SHANK2: variants seen among roughly 807,000 people sequenced by gnomAD.
SHANK2 encodes the protein SH3 and multiple ankyrin repeat domains 2, also known as SH3 and multiple ankyrin repeat domains protein 2.
SHANK2 carries 43 observed loss-of-function variants against 133.7 expected under a neutral mutation model. The observed-to-expected ratio is 0.32, with a 90% CI of 0.25 to 0.41. The LOEUF (loss-of-function observed/expected upper bound fraction) is 0.41. Among genes scored for constraint, SHANK2 ranks in the 10% least tolerant of loss-of-function variants. SHANK2 has a pLI of 1.00. For missense variants in SHANK2, 1,994 were observed against 2,235.8 expected, an observed-to-expected ratio of 0.89 and a Z score of 2.18; for synonymous variants, 1,017 against 952.8, an observed-to-expected ratio of 1.07 and a Z score of -1.24.
chr11:71,111,644 A>T (rs1951893537), intron 5 of SHANK2, among the ~76,000 whole-genome samples: 1 of 152,194 alleles, frequency 6.6e-6, no homozygotes, highest in South Asian at 2.1e-4. Context: ...CTGACACAGC[A>T]GGTTCCTGGG....
chr11:70,839,008 G>C (rs1335771472), intron 11 of SHANK2, among the ~76,000 whole-genome samples: 7 of 152,214 alleles, frequency 4.6e-5, no homozygotes, highest in Non-Finnish European at 7.3e-5. Context: ...CAAGCAGCTG[G>C]TGTTGGTGTT....
At chr11:71,210,888 G>A (rs560033947) in intron 2 of SHANK2, among the ~76,000 whole-genome samples, 4 of 152,304 alleles carry the variant, frequency 2.6e-5, no homozygotes, top group Admixed American at 1.3e-4. Flanking sequence ...GTGATGCAGC[G>A]CCGGCACTCC....
At chr11:70,781,558 T>TATATATATATA (rs1555045157) in intron 14 of SHANK2, among the ~76,000 whole-genome samples, 1 of 28,970 alleles carries the variant, frequency 3.5e-5, no homozygotes, top group African/African-American at 1.0e-4. Context: ...TACTTACTTA[T>TATATATATATA]TATATATATA....
intron 15 of SHANK2, among the ~76,000 whole-genome samples, chr11:70,692,515 C>T (rs782316576): frequency 2.6e-5 from 4 of 152,184 alleles, no homozygotes; most frequent in Admixed American, 6.5e-5. Flanking sequence ...TAACTTAGGA[C>T]CGGTGATTTC....
chr11:70,570,882 A>T (rs1554982922), intron 17 of SHANK2, among the ~76,000 whole-genome samples: 1 of 152,182 alleles, frequency 6.6e-6, no homozygotes, highest in African/African-American at 2.4e-5. Flanking sequence ...CCCAACTGGA[A>T]ATATGGGTGG....
In SHANK2 at chr11:70,471,064, C is replaced by CAA; in HGVS notation, c.*1803_*1804dup. On this transcript the variant is annotated 3_prime_UTR_variant, in exon 26 of 26. Transcript: ENST00000601538. The surrounding 1 kb of genome is among the most constrained non-coding windows in gnomAD (Gnocchi z 4.1). Reference sequence around the variant, plus strand: ...CCACAGAAATAGTATTATTAAATCACAAAAGTTTTTTTTTCTTTAACTTTC... The same window carrying CAA: ...CCACAGAAATAGTATTATTAAATCACAAAAAAGTTTTTTTTTCTTTAACTTTC... 2.6e-6 allele frequency: 1 copy of CAA among 385,010 alleles called. No homozygotes were observed. 23.8% of individuals were successfully genotyped at this position (385,010 alleles called of 1,614,324 possible). A position where few individuals can be genotyped will look rare whatever the true frequency, so the allele number is the denominator to read the frequency against.
At chr11:71,168,373 C>G (rs1302219738) in intron 2 of SHANK2, among the ~76,000 whole-genome samples, 1 of 143,810 alleles carries the variant, frequency 7.0e-6, no homozygotes, top group Non-Finnish European at 1.5e-5. Flanking sequence ...TCCTCACATC[C>G]CAGACGATGG....
intron 11 of SHANK2, among the ~76,000 whole-genome samples, chr11:70,841,300 A>G (rs1948900368): frequency 6.6e-6 from 1 of 152,136 alleles, no homozygotes; most frequent in African/African-American, 2.4e-5. Context: ...ACCGCAGTGA[A>G]AGGTGGGCAG....
chr11:71,192,186 C>T (rs1272678084), intron 2 of SHANK2, among the ~76,000 whole-genome samples: 1 of 152,184 alleles, frequency 6.6e-6, no homozygotes, highest in African/African-American at 2.4e-5. Flanking sequence ...TATCAGGACA[C>T]CAGTCCTTTG....
At chr11:71,058,758 C>T (rs936182522) in intron 9 of SHANK2, among the ~76,000 whole-genome samples, 6 of 152,324 alleles carry the variant, frequency 3.9e-5, no homozygotes, top group African/African-American at 9.6e-5. Context: ...AAATATACAC[C>T]GAATAAAGGG....
rs538489709 is a variant in SHANK2 at position 71,249,202 on chromosome 11, T to G, written c.-113+3223A>C. Among the ~76,000 whole-genome samples the G allele has an allele frequency of 3.9e-5, 6 of 152,174 alleles. No individual in the cohort carries two copies. The South Asian group carries it at 1.2e-3, about 32-fold the overall frequency. On this transcript the variant is annotated intron_variant, in intron 1 of 25. Coordinates refer to ENST00000601538, the MANE Select transcript of SHANK2 (RefSeq NM_012309.5). ...GTGATTCATTCTCCCGGTGCCCAGG[T>G]GAATGGCAAGGGGTGGGGGACTCCA... is the stretch of plus-strand genomic sequence containing the variant.
intron 2 of SHANK2, among the ~76,000 whole-genome samples, chr11:71,179,187 C>T (rs549039270): frequency 2.3e-4 from 35 of 152,154 alleles, no homozygotes; most frequent in African/African-American, 8.4e-4. Flanking sequence ...CAAAATAAAA[C>T]AACAAATCAA....
intron 14 of SHANK2, among the ~76,000 whole-genome samples, chr11:70,727,612 C>T (rs1301783043): frequency 6.6e-6 from 1 of 152,202 alleles, no homozygotes; most frequent in African/African-American, 2.4e-5. Context: ...TAGGTGGTTT[C>T]TTTGTGGGTA....
intron 13 of SHANK2, 33 bp from the exon 14 acceptor site, chr11:70,798,589 G>A (rs781941818): frequency 2.8e-5 from 20 of 717,384 alleles, no homozygotes; most frequent in Non-Finnish European, 4.2e-5. Flanking sequence ...GGTGTTAGCA[G>A]GGGGGACGTG....
At chr11:70,740,844 C>A (rs1403065137) in intron 14 of SHANK2, among the ~76,000 whole-genome samples, 3 of 152,270 alleles carry the variant, frequency 2.0e-5, no homozygotes, top group Admixed American at 6.5e-5. Flanking sequence ...CTGGTCCTAT[C>A]CAGCAGATGG....
intron 17 of SHANK2, among the ~76,000 whole-genome samples, chr11:70,624,151 G>C (rs969000350): frequency 6.6e-6 from 1 of 152,156 alleles, no homozygotes; most frequent in Non-Finnish European, 1.5e-5. Context: ...TGCAGCCTCA[G>C]GAGGGGCTGA....
chr11:70,561,022 C>T (rs1028652974), intron 17 of SHANK2, among the ~76,000 whole-genome samples: 2 of 152,362 alleles, frequency 1.3e-5, no homozygotes, highest in Non-Finnish European at 2.9e-5. Flanking sequence ...GCCCCACACA[C>T]ACACGAAGAA....
chr11:71,177,598 AAAG>A (rs1480130352), intron 2 of SHANK2, among the ~76,000 whole-genome samples: 2 of 152,232 alleles, frequency 1.3e-5, no homozygotes, highest in African/African-American at 4.8e-5. Flanking sequence ...GAAGACAGAA[AAAG>A]AAGAAAAGCA....
At chr11:70,547,067 T>C (rs2059704608) in intron 17 of SHANK2, among the ~76,000 whole-genome samples, 1 of 152,114 alleles carries the variant, frequency 6.6e-6, no homozygotes. Flanking sequence ...TAGGTCAGTT[T>C]ACCCAGAATC....
Sources: gnomAD v4.1 joint callset for allele counts (sites outside exome capture counted in the v4.1 genomes callset) on GRCh38, gnomAD v4.1.1 for gene constraint, Gnocchi (gnomAD v3.1) non-coding constraint, MANE v1.5 for transcripts, NCBI Gene and HGNC (gene_info 2026-07-23, HGNC 2026-07-21) for gene names.